REPS2: variants seen among roughly 807,000 people sequenced by gnomAD.
REPS2 encodes the protein RALBP1 associated Eps domain containing 2, also known as ralBP1-associated Eps domain-containing protein 2.
REPS2 carries 23 observed loss-of-function variants against 53.6 expected under a neutral mutation model. That is an observed-to-expected ratio of 0.43 (90% confidence interval 0.31 to 0.61). The LOEUF (loss-of-function observed/expected upper bound fraction) is 0.61, where lower values mean the gene tolerates loss of function less well. Ranked by LOEUF, REPS2 falls within the 20% of genes least tolerant of loss-of-function variation. The pLI, the probability that REPS2 is intolerant of heterozygous loss-of-function variation, is 0.11. For missense variants in REPS2, 446 were observed against 534.9 expected, an observed-to-expected ratio of 0.83 and a Z score of 1.64; for synonymous variants, 238 against 218.6, an observed-to-expected ratio of 1.09 and a Z score of -0.78.
intron 14 of REPS2, among the ~76,000 whole-genome samples, chrX:17,108,603 G>A (rs999032643): frequency 8.9e-6 from 1 of 111,802 alleles, no homozygotes; most frequent in Non-Finnish European, 1.9e-5. Flanking sequence ...CAGCTTCAGT[G>A]TAACTATAAT....
At chrX:16,948,815 A>C (rs1405319230) in intron 1 of REPS2, among the ~76,000 whole-genome samples, 1 of 112,314 alleles carries the variant, frequency 8.9e-6, no homozygotes, top group East Asian at 2.8e-4. Context: ...ATCTGCTTGC[A>C]AAAGACTGCT....
chrX:17,068,324 AAT>A, intron 9 of REPS2, 76 bp from the exon 10 acceptor site: 4 of 867,746 alleles, frequency 4.6e-6, no homozygotes, highest in Non-Finnish European at 6.5e-6. Flanking sequence ...AAAAAAAAAA[AAT>A]TTTTTTTCAT....
rs1409447977 is a variant in REPS2, at chrX:17,006,313, C to T, written c.366C>T (p.Gly122=). The change falls in exon 2 of 18, where the codon GGC becomes GGT. Residue 122 remains glycine (G), a synonymous_variant. Transcript: ENST00000357277. The stretch of plus-strand genomic sequence containing the variant: ...AATTAATTGCTGCAGCACAATCTGG[C>T]CTCCCGGTACGGATAGAGAGTATTA... ...ALKLIAAAQS[G]LPVRIESIKC... The T allele has an allele frequency of 5.8e-6, 7 of 1,208,037 alleles. No individual in the cohort carries two copies. Among genetic ancestry groups the T allele is most frequent in the African/African-American group, 1.8e-5 (1 of 57,084 alleles).
chrX:17,167,456 A>G, the REPS2 span, among the ~76,000 whole-genome samples: 1 of 110,060 alleles, frequency 9.1e-6, no homozygotes, highest in Non-Finnish European at 1.9e-5. Context: ...CCTCTCCTGA[A>G]CCTTCCCTAC....
intron 1 of REPS2, among the ~76,000 whole-genome samples, chrX:16,996,457 C>G (rs889494818): frequency 1.8e-5 from 2 of 111,854 alleles, no homozygotes; most frequent in Non-Finnish European, 3.8e-5. Context: ...CCTTCCCCAG[C>G]TTTAGTGTGC....
intron 17 of REPS2, among the ~76,000 whole-genome samples, chrX:17,147,017 C>A (rs1295872388): frequency 8.9e-6 from 1 of 111,859 alleles, no homozygotes; most frequent in East Asian, 2.8e-4. Context: ...CCAGAGATTG[C>A]AACTAGAAAT....
intron 3 of REPS2, among the ~76,000 whole-genome samples, chrX:17,023,427 C>CA (rs11304206): frequency 2.9e-4 from 25 of 86,622 alleles, no homozygotes; most frequent in South Asian, 5.7e-4. Flanking sequence ...GACTGTGTCT[C>CA]AAAAAAAAAA....
At chrX:17,114,005 A>G (rs895528950) in intron 14 of REPS2, among the ~76,000 whole-genome samples, 2 of 112,339 alleles carry the variant, frequency 1.8e-5, no homozygotes, top group Non-Finnish European at 3.8e-5. Context: ...TTAGGCATCT[A>G]TTAAAATGAT....
chrX:16,953,087 A>G (rs2060536918), intron 1 of REPS2, among the ~76,000 whole-genome samples: 1 of 106,203 alleles, frequency 9.4e-6, no homozygotes, highest in African/African-American at 3.5e-5. Context: ...AAAAACAAAC[A>G]AACCAAAAAA....
intron 1 of REPS2, among the ~76,000 whole-genome samples, chrX:17,000,655 A>G (rs185707522): frequency 1.3e-4 from 15 of 112,128 alleles, no homozygotes; most frequent in African/African-American, 4.9e-4. Flanking sequence ...AGGTAATTCT[A>G]TAACAAGAGA....
chrX:17,107,512 A>G (rs1304480788), intron 14 of REPS2, among the ~76,000 whole-genome samples: 2 of 112,464 alleles, frequency 1.8e-5, no homozygotes, highest in Non-Finnish European at 3.8e-5. Flanking sequence ...TTCTACATAC[A>G]CCAAAAGCAT....
At chrX:17,088,136 G>C (rs1415014179) in intron 13 of REPS2, among the ~76,000 whole-genome samples, 1 of 111,350 alleles carries the variant, frequency 9.0e-6, no homozygotes, top group Non-Finnish European at 1.9e-5. Context: ...GGAAACAGCT[G>C]CTAGTGAATG....
intron 2 of REPS2, among the ~76,000 whole-genome samples, chrX:17,011,068 TG>T (rs1455301637): frequency 2.4e-4 from 2 of 8,269 alleles, no homozygotes; most frequent in Non-Finnish European, 5.0e-4. Context: ...TGTGTGTGTG[TG>T]TGTGTGTGTG....
At chrX:17,015,690 C>T (rs1227612975) in intron 2 of REPS2, among the ~76,000 whole-genome samples, 3 of 110,422 alleles carry the variant, frequency 2.7e-5, no homozygotes, top group South Asian at 3.9e-4. Flanking sequence ...CAATAGTTTG[C>T]GGAGAATGAT....
intron 14 of REPS2, among the ~76,000 whole-genome samples, chrX:17,122,306 GCGGTATATA>G (rs1239373814): frequency 8.9e-6 from 1 of 111,785 alleles, no homozygotes; most frequent in Non-Finnish European, 1.9e-5. Context: ...GTGGAATTAT[GCGGTATATA>G]CTCTGTGTCT....
chrX:17,117,120 A>G (rs2063066466), intron 14 of REPS2, among the ~76,000 whole-genome samples: 1 of 111,827 alleles, frequency 8.9e-6, no homozygotes, highest in African/African-American at 3.2e-5. Flanking sequence ...TATCTGCTTC[A>G]GTTCCTTTCC....
At chrX:17,017,540 G>A (rs2061514419) in intron 2 of REPS2, among the ~76,000 whole-genome samples, 1 of 109,176 alleles carries the variant, frequency 9.2e-6, no homozygotes, top group Non-Finnish European at 1.9e-5. Flanking sequence ...TTGGGAATTT[G>A]GGTGTTGGTT....
chrX:17,176,638 A>G, the REPS2 span, among the ~76,000 whole-genome samples: 1 of 112,442 alleles, frequency 8.9e-6, no homozygotes, highest in African/African-American at 3.2e-5. Context: ...ACTTCATTTC[A>G]GTGCTCCTCT....
In REPS2 at chrX:17,093,166, CTATA is replaced by C. The variant is rs58530978; in HGVS notation, c.1517-10521_1517-10518del. Among the ~76,000 whole-genome samples the C allele has an allele frequency of 1.5e-3, 60 of 39,105 alleles. 3 individuals are homozygous for C. Among genetic ancestry groups the C allele is most frequent in the African/African-American group, 2.0e-3 (17 of 8,366 alleles). 34.0% of individuals were successfully genotyped at this position (39,105 alleles called of 115,157 possible). A position where few individuals can be genotyped will look rare whatever the true frequency, so the allele number is the denominator to read the frequency against. The stretch of plus-strand genomic sequence containing the variant: ...ACAAGGAAAAATGCATGAGTTAATG[CTATA>C]TATATATATATATATATATATATAT... On this transcript the variant is annotated intron_variant, in intron 13 of 17. Coordinates refer to ENST00000357277, the MANE Select transcript of REPS2 (RefSeq NM_004726.3).
Sources: gnomAD v4.1 joint callset for allele counts (sites outside exome capture counted in the v4.1 genomes callset) on GRCh38, gnomAD v4.1.1 for gene constraint, MANE v1.5 for transcripts, NCBI Gene and HGNC (gene_info 2026-07-23, HGNC 2026-07-21) for gene names.